ITIH3: variants seen among roughly 807,000 people sequenced by gnomAD.
The protein encoded by ITIH3 is inter-alpha-trypsin inhibitor heavy chain 3.
A neutral mutation model predicts 96.5 loss-of-function variants in ITIH3; 81 were observed. The ratio of observed to expected loss-of-function variants is 0.84; its 90% confidence interval spans 0.70 to 1.01. ITIH3 has a LOEUF of 1.01. Among genes scored for constraint, ITIH3 ranks in the 50% least tolerant of loss-of-function variants. The pLI is 0.00. For missense variants in ITIH3, 1,057 were observed against 1,139.3 expected (o/e 0.93, Z 1.04); for synonymous variants, 422 against 445.2 (o/e 0.95, Z 0.66).
chr3:52,806,129 T>C lies in ITIH3; in HGVS notation c.1933T>C (p.Tyr645His), dbSNP rs775421192. Residue 645 changes from tyrosine to histidine, a missense_variant, in exon 17 of 22, where the codon TAC (tyrosine) becomes CAC (histidine). Transcript: ENST00000449956. ...CAGCTACCAGCCTCCTCAAAACCCCTACTACTATGGTGAGTCCCTGGCTGC... is the reference window on the plus strand; with the variant it reads ...CAGCTACCAGCCTCCTCAAAACCCCCACTACTATGGTGAGTCCCTGGCTGC... ...LTSYQPPQNP[Y>H]YYVDGDPHFI... 3 of 1,603,288 alleles carry C rather than the reference T, an allele frequency of 1.9e-6. No homozygotes were observed. Among genetic ancestry groups the C allele is most frequent in the Non-Finnish European group, 2.6e-6 (3 of 1,174,886 alleles).
chr3:52,795,669 A>T, intron 2 of ITIH3, 46 bp downstream of exon 2: 1 of 1,591,454 alleles, frequency 6.3e-7, no homozygotes, highest in Non-Finnish European at 8.6e-7. Flanking sequence ...GCAGGGCAGG[A>T]TGGAGCTGGT....
chr3:52,803,751 G>A, intron 13 of ITIH3, 104 bp from the exon 14 acceptor site: 5 of 1,309,398 alleles, frequency 3.8e-6, no homozygotes, highest in Non-Finnish European at 5.3e-6. Context: ...CCACAATGGG[G>A]AAGGTGGAGT....
chr3:52,799,858 C>T lies in ITIH3; in HGVS notation c.1012C>T (p.Gln338Ter). 1 of 1,613,910 alleles carries T rather than the reference C, an allele frequency of 6.2e-7. No individual in the cohort carries two copies. Among genetic ancestry groups the T allele is most frequent in the East Asian group, 2.2e-5 (1 of 44,880 alleles). ...GTCCACATGGAAAGAGCACTTAGTC[C>T]AGGCCACGCCCGAGAACCTCCAGGA... ...DVSTWKEHLV[Q>*]ATPENLQEAR... is the part of the protein sequence containing the mutation. Residue 338 changes from glutamine (Q) to a stop codon, truncating the protein, a stop_gained, in exon 9 of 22, where the codon CAG becomes TAG. Transcript: ENST00000449956. LOFTEE classifies it high-confidence loss of function.
intron 11 of ITIH3, among the ~76,000 whole-genome samples, chr3:52,802,009 C>T (rs1185572733): frequency 1.3e-5 from 2 of 151,880 alleles, no homozygotes; most frequent in African/African-American, 2.4e-5. Flanking sequence ...GCCTCTCTTA[C>T]TTCCTTTTCT....
chr3:52,806,489 T>C (rs1388394791), intron 18 of ITIH3, 83 bp downstream of exon 18: 26 of 1,029,360 alleles, frequency 2.5e-5, no homozygotes, highest in Non-Finnish European at 3.7e-5. Flanking sequence ...AGGGAACAGG[T>C]TCTCACTCTG....
chr3:52,804,276 A>G (rs1699958572), intron 14 of ITIH3: 1 of 513,138 alleles, frequency 1.9e-6, no homozygotes, highest in Non-Finnish European at 3.5e-6. Context: ...ATTTCAAGGA[A>G]AAGGACTGAG....
chr3:52,799,207 G>C (rs1033775384), intron 7 of ITIH3, 116 bp downstream of exon 7: 18 of 1,344,072 alleles, frequency 1.3e-5, no homozygotes, highest in Non-Finnish European at 1.8e-5. Context: ...TTTCCTGCAG[G>C]ATGTGGGACA....
In ITIH3 at chr3:52,797,114, G is replaced by A. The variant is rs267599897; in HGVS notation, c.396G>A (p.Gly132=). 6.2e-7 allele frequency: 1 copy of A among 1,609,152 alleles called. No homozygotes were observed. The highest frequency in any genetic ancestry group is 8.5e-7 in the Non-Finnish European group (1 of 1,178,284). ...GKTAGLVKAS[G]RKLEKFTVSV... ...CTCGCACCCTGGTCAGGGCCTCTGG[G>A]AGGAAGTTGGAGAAGTTCACAGTCT... Residue 132 remains glycine (G), a synonymous_variant, in exon 5 of 22, where the codon GGG becomes GGA. Coordinates refer to ENST00000449956, the MANE Select transcript of ITIH3 (RefSeq NM_002217.4).
chr3:52,803,270 A>T (rs988905244), intron 13 of ITIH3, among the ~76,000 whole-genome samples: 7 of 40,232 alleles, frequency 1.7e-4, no homozygotes, highest in Non-Finnish European at 4.5e-4. Flanking sequence ...CCCTTATTTT[A>T]TTTATTTATT....
chr3:52,801,273 T>G (rs768230209), intron 11 of ITIH3, 127 bp downstream of exon 11: 16 of 784,644 alleles, frequency 2.0e-5, no homozygotes, highest in Non-Finnish European at 2.7e-5. Context: ...CCTCTGACTA[T>G]CTCTTACCCA....
chr3:52,798,808 G>C, intron 6 of ITIH3, 158 bp from the exon 7 acceptor site: 1 of 802,028 alleles, frequency 1.2e-6, no homozygotes, highest in Non-Finnish European at 2.0e-6. Flanking sequence ...CGCCACCGGC[G>C]GGCAGGGCTG....
At chr3:52,803,788 C>G in intron 13 of ITIH3, 67 bp from the exon 14 acceptor site, 5 of 1,568,334 alleles carry the variant, frequency 3.2e-6, no homozygotes, top group East Asian at 2.3e-5. Context: ...GTCCACTGCT[C>G]CAGTGCAGGG....
chr3:52,805,483 A>T (rs938038896), intron 15 of ITIH3: 1 of 1,121,762 alleles, frequency 8.9e-7, no homozygotes, highest in East Asian at 5.3e-5. Flanking sequence ...CACCCCAACT[A>T]GGGGGTGGGA....
chr3:52,805,875 T>C, intron 16 of ITIH3, 35 bp downstream of exon 16: 1 of 1,610,130 alleles, frequency 6.2e-7, no homozygotes, highest in Non-Finnish European at 8.5e-7. Context: ...CTCCTCCCAC[T>C]GCTTAGAGCC....
Position 52,801,132 on chromosome 3 carries a change from G to A in ITIH3, c.1369G>A (p.Asp457Asn), listed in dbSNP as rs368953071. ...ARRIYEDSDA[D>N]LQLQGFYEEV... is the part of the protein sequence containing the mutation. ...GCGCATTTATGAGGACTCTGATGCC[G>A]ATTTGCAGTTGCAGGTATGCCTTGT... Residue 457 changes from aspartate to asparagine, a missense_variant, in exon 11 of 22, where the codon GAT (aspartate) becomes AAT (asparagine). Transcript: ENST00000449956. 448 of 1,578,024 alleles carry A rather than the reference G, an allele frequency of 2.8e-4. 16 individuals carry two copies. The South Asian group carries it at 4.8e-3, about 17-fold the overall frequency.
chr3:52,802,202 C>A (rs1249493543), intron 11 of ITIH3, 132 bp from the exon 12 acceptor site: 5 of 904,156 alleles, frequency 5.5e-6, no homozygotes, highest in Non-Finnish European at 8.2e-6. Context: ...CTGAAGGACG[C>A]AGTCAGGGAC....
Position 52,796,626 on chromosome 3 carries a change from C to A in ITIH3, c.260C>A (p.Ala87Asp). The A allele has an allele frequency of 4.3e-6, 7 of 1,612,768 alleles. No homozygotes were observed. The highest frequency in any genetic ancestry group is 5.9e-6 in the Non-Finnish European group (7 of 1,179,184). ...TTTGATGTGGAGCTGCCCAAGACGG[C>A]CTTCATCACCAACTTCACCTTGTGG... The part of the protein sequence containing the change: ...VSFDVELPKT[A>D]FITNFTLTID... The change falls in exon 3 of 22, where the codon GCC becomes GAC. Residue 87 changes from alanine (A) to aspartate (D), a missense_variant. Coordinates refer to ENST00000449956, the MANE Select transcript of ITIH3 (RefSeq NM_002217.4).
Position 52,806,916 on chromosome 3 carries a change from G to T in ITIH3, c.2072G>T (p.Gly691Val). The change falls in exon 19 of 22, where the codon GGG becomes GTG. Residue 691 changes from glycine to valine, a missense_variant. Transcript: ENST00000449956. ...CCTCTGGCAGGCCTCACAGTTAATG[G>T]GCAGATCACTGGCGACAAGAGAGGC... ...QDAVTGLTVN[G>V]QITGDKRGSP... The T allele has an allele frequency of 6.3e-7, 1 of 1,587,026 alleles. No individual in the cohort carries two copies. Among genetic ancestry groups the T allele is most frequent in the East Asian group, 2.3e-5 (1 of 43,444 alleles).
At chr3:52,805,950 A>G in intron 16 of ITIH3, 110 bp downstream of exon 16, 1 of 1,525,564 alleles carries the variant, frequency 6.6e-7, no homozygotes, top group Non-Finnish European at 9.0e-7. Flanking sequence ...GCAGATGGAC[A>G]ATGTGCCCTG....
Sources: gnomAD v4.1 joint callset for allele counts (sites outside exome capture counted in the v4.1 genomes callset) on GRCh38, gnomAD v4.1.1 for gene constraint, MANE v1.5 for transcripts, NCBI Gene and HGNC (gene_info 2026-07-23, HGNC 2026-07-21) for gene names.